IL1RAP: variants seen among roughly 807,000 people sequenced by gnomAD.
IL1RAP encodes interleukin 1 receptor accessory protein.
A neutral mutation model predicts 60.7 loss-of-function variants in IL1RAP; 35 were observed. The observed-to-expected ratio is 0.58, with a 90% CI of 0.44 to 0.76. The LOEUF (loss-of-function observed/expected upper bound fraction) is 0.76, where lower values mean the gene tolerates loss of function less well. Ranked by LOEUF, IL1RAP falls within the 30% of genes least tolerant of loss-of-function variation. The pLI, the probability that IL1RAP is intolerant of heterozygous loss-of-function variation, is 0.00. For synonymous variants in IL1RAP, 268 were observed against 250.9 expected, an observed-to-expected ratio of 1.07 and a Z score of -0.64; for missense variants, 572 against 693.9, an observed-to-expected ratio of 0.82 and a Z score of 1.97.
At chr3:190,556,316 C>G (rs184982238) in intron 2 of IL1RAP, 100 bp downstream of exon 2, 10 of 151,936 alleles carry the variant, frequency 6.6e-5, no homozygotes, top group Admixed American at 3.9e-4. Context: ...TAAACAAAAC[C>G]AAGCAAAAAC....
At chr3:190,534,265 C>A (rs1231206285) in intron 1 of IL1RAP, among the ~76,000 whole-genome samples, 1 of 143,726 alleles carries the variant, frequency 7.0e-6, no homozygotes, top group Non-Finnish European at 1.5e-5. Context: ...TAATCTCCAG[C>A]CCACTTCATT....
chr3:190,583,549 CT>C (rs1481660820), intron 3 of IL1RAP, among the ~76,000 whole-genome samples: 6 of 152,228 alleles, frequency 3.9e-5, no homozygotes, highest in African/African-American at 1.4e-4. Context: ...AGGACTAAAG[CT>C]CTCTCTTTGA....
chr3:190,567,512 G>A (rs1331053467), intron 3 of IL1RAP, among the ~76,000 whole-genome samples: 1 of 152,090 alleles, frequency 6.6e-6, no homozygotes, highest in African/African-American at 2.4e-5. Flanking sequence ...TGTATTACTC[G>A]AAGTCACACA....
chr3:190,619,441 A>C (rs1731564869), intron 5 of IL1RAP, among the ~76,000 whole-genome samples: 1 of 152,198 alleles, frequency 6.6e-6, no homozygotes, highest in South Asian at 2.1e-4. Context: ...CAGTTATAAA[A>C]ATGGGATAAA....
intron 3 of IL1RAP, among the ~76,000 whole-genome samples, chr3:190,590,823 A>T (rs1175842077): frequency 6.6e-6 from 1 of 152,170 alleles, no homozygotes; most frequent in East Asian, 1.9e-4. Context: ...TACTATTTAC[A>T]TTCAAAGTGC....
At chr3:190,625,464 G>GA in intron 7 of IL1RAP, among the ~76,000 whole-genome samples, 1 of 152,138 alleles carries the variant, frequency 6.6e-6, no homozygotes, top group East Asian at 1.9e-4. Context: ...AGAGGCTGAT[G>GA]AAAAAAATAA....
Position 190,651,165 on chromosome 3 carries a change from A to G in IL1RAP, c.*2460A>G. On this transcript the variant is annotated 3_prime_UTR_variant, in exon 12 of 12. Coordinates refer to ENST00000447382, the MANE Select transcript of IL1RAP (RefSeq NM_002182.4). ...AGAACAAGAACAAACCATGTCTCAA[A>G]TTTTTTTAAAAAAAATTAATGGTTT... The G allele has an allele frequency of 1.0e-6, 1 of 982,596 alleles. No homozygotes were observed. Among genetic ancestry groups the G allele is most frequent in the Non-Finnish European group, 1.2e-6 (1 of 827,466 alleles). The allele number at this position is 982,596 out of a possible 1,614,324, so 60.9% of individuals were successfully genotyped here.
chr3:190,631,588 C>T (rs1379044797), intron 9 of IL1RAP, among the ~76,000 whole-genome samples: 1 of 152,144 alleles, frequency 6.6e-6, no homozygotes, highest in Non-Finnish European at 1.5e-5. Context: ...TCTGAGTTCA[C>T]ATTCATACAT....
chr3:190,606,309 C>T (rs1730320820), intron 4 of IL1RAP, among the ~76,000 whole-genome samples: 1 of 152,226 alleles, frequency 6.6e-6, no homozygotes, highest in South Asian at 2.1e-4. Flanking sequence ...ATCACTTCCA[C>T]TCTGCCACTA....
At chr3:190,641,434 T>TA (rs2108848792) in intron 9 of IL1RAP, among the ~76,000 whole-genome samples, 1 of 152,346 alleles carries the variant, frequency 6.6e-6, no homozygotes, top group South Asian at 2.1e-4. Context: ...GCATGTGACT[T>TA]AAGCTATTTA....
chr3:190,623,516 G>A, intron 7 of IL1RAP, 101 bp downstream of exon 7: 1 of 863,296 alleles, frequency 1.2e-6, no homozygotes. Context: ...CTGTTGTAGA[G>A]AAACACATGA....
chr3:190,547,337 C>T (rs1406536902), intron 1 of IL1RAP, among the ~76,000 whole-genome samples: 3 of 152,148 alleles, frequency 2.0e-5, no homozygotes, highest in Admixed American at 2.0e-4. Context: ...GGTCACAGCC[C>T]AGACTATGGG....
At chr3:190,558,233 G>A (rs1292677771) in intron 2 of IL1RAP, among the ~76,000 whole-genome samples, 1 of 152,114 alleles carries the variant, frequency 6.6e-6, no homozygotes, top group East Asian at 1.9e-4. Context: ...ATTAATAATA[G>A]GGCTTCTACA....
At chr3:190,528,919 T>C (rs1437542363) in intron 1 of IL1RAP, among the ~76,000 whole-genome samples, 1 of 152,168 alleles carries the variant, frequency 6.6e-6, no homozygotes, top group Non-Finnish European at 1.5e-5. Flanking sequence ...GATTGTGCGA[T>C]TTATCAGAGA....
At chr3:190,565,432 G>A (rs1470784778) in intron 3 of IL1RAP, among the ~76,000 whole-genome samples, 1 of 152,162 alleles carries the variant, frequency 6.6e-6, no homozygotes, top group Non-Finnish European at 1.5e-5. Flanking sequence ...TTTTTCATAT[G>A]ACATGGATTT....
intron 9 of IL1RAP, among the ~76,000 whole-genome samples, chr3:190,638,209 T>G (rs1160759865): frequency 6.6e-6 from 1 of 152,174 alleles, no homozygotes; most frequent in Non-Finnish European, 1.5e-5. Context: ...TAGACCTTTT[T>G]TTTTCCCCAA....
chr3:190,620,183 C>G, intron 5 of IL1RAP, 92 bp from the exon 6 acceptor site: 1 of 630,014 alleles, frequency 1.6e-6, no homozygotes, highest in Non-Finnish European at 2.6e-6. Context: ...TTTCGGTGTT[C>G]TGTGCAAAAT....
intron 1 of IL1RAP, among the ~76,000 whole-genome samples, chr3:190,535,876 C>A (rs3773992): frequency 0.11 from 16,280 of 152,128 alleles, 1,242 homozygotes; most frequent in East Asian, 0.36. Flanking sequence ...GGTCAAGGAT[C>A]GTGTTTTAAC....
chr3:190,537,968 A>T (rs1201332890), intron 1 of IL1RAP, among the ~76,000 whole-genome samples: 1 of 151,744 alleles, frequency 6.6e-6, no homozygotes, highest in Non-Finnish European at 1.5e-5. Flanking sequence ...TACTCAGATT[A>T]TTTTTGCTTT....
Sources: allele counts gnomAD v4.1 joint callset (sites outside exome capture counted in the v4.1 genomes callset), GRCh38; gene constraint gnomAD v4.1.1; transcripts MANE v1.5; gene names NCBI Gene and HGNC (gene_info 2026-07-23, HGNC 2026-07-21).